The following POU6F2 variants were observed in gnomAD, a reference collection of about 807,000 sequenced individuals.
The protein encoded by POU6F2 is POU domain, class 6, transcription factor 2.
Under a neutral mutation model 71.3 loss-of-function variants are expected in POU6F2, and 31 were observed. That is an observed-to-expected ratio of 0.43 (90% confidence interval 0.33 to 0.59). The LOEUF (loss-of-function observed/expected upper bound fraction) is 0.59. Ranked by LOEUF, POU6F2 falls within the 20% of genes least tolerant of loss-of-function variation. The pLI is 0.04. For missense variants in POU6F2, 783 were observed against 856.8 expected (o/e 0.91, Z 1.07); for synonymous variants, 347 against 355.7 (o/e 0.98, Z 0.27).
chr7:39,459,788 CA>C (rs150800176), intron 8 of POU6F2, among the ~76,000 whole-genome samples: 1,568 of 152,040 alleles, frequency 0.01, 17 homozygotes, highest in African/African-American at 0.035. Flanking sequence ...GATCAGTAGC[CA>C]GGGGGGGAAA....
intron 6 of POU6F2, among the ~76,000 whole-genome samples, chr7:39,416,924 C>A (rs768221954): frequency 3.3e-5 from 5 of 151,956 alleles, no homozygotes; most frequent in Non-Finnish European, 7.4e-5. Context: ...TAAGACCATA[C>A]AATGGGCTGT....
chr7:39,015,830 G>GATATATAATATATTATATATAGAT (rs1335426853), intron 1 of POU6F2, among the ~76,000 whole-genome samples: 20 of 64,546 alleles, frequency 3.1e-4, no homozygotes, highest in African/African-American at 1.1e-3. Context: ...ATTATATATA[G>GATATATAATATATTATATATAGAT]ATATATAATA....
intron 2 of POU6F2, among the ~76,000 whole-genome samples, chr7:39,106,741 TA>T: frequency 6.6e-6 from 1 of 152,350 alleles, no homozygotes; most frequent in East Asian, 1.9e-4. Flanking sequence ...GTTCACATTT[TA>T]AGGCCCTTCA....
intron 2 of POU6F2, among the ~76,000 whole-genome samples, chr7:39,103,767 T>C (rs560073992): frequency 1.3e-5 from 2 of 152,242 alleles, no homozygotes; most frequent in African/African-American, 4.8e-5. Context: ...CAAACCCCTG[T>C]ACTGGCGAAC....
At chr7:39,051,688 T>A (rs12540036) in intron 1 of POU6F2, among the ~76,000 whole-genome samples, 35,808 of 151,930 alleles carry the variant, frequency 0.24, 4,284 homozygotes, top group South Asian at 0.35. Context: ...TTGATTGCCA[T>A]CCTCTCCTGA....
intron 1 of POU6F2, among the ~76,000 whole-genome samples, chr7:39,030,568 G>A (rs1384533126): frequency 9.7e-6 from 1 of 103,498 alleles, no homozygotes; most frequent in Non-Finnish European, 1.9e-5. Flanking sequence ...ATATTCCATT[G>A]CCCGGATGTG....
chr7:39,380,069 T>C (rs898269275), intron 5 of POU6F2, among the ~76,000 whole-genome samples: 2 of 152,232 alleles, frequency 1.3e-5, no homozygotes, highest in South Asian at 4.1e-4. Flanking sequence ...TGAAGAAATA[T>C]AGATAACTCA....
chr7:38,993,633 C>G (rs1205092285), intron 1 of POU6F2, among the ~76,000 whole-genome samples: 1 of 151,910 alleles, frequency 6.6e-6, no homozygotes, highest in African/African-American at 2.4e-5. Flanking sequence ...CACACACACA[C>G]ACACACACAC....
intron 5 of POU6F2, among the ~76,000 whole-genome samples, chr7:39,404,121 A>G (rs1326452584): frequency 6.6e-6 from 1 of 152,244 alleles, no homozygotes; most frequent in Non-Finnish European, 1.5e-5. Context: ...GAGGAAATAA[A>G]CATTAAAAAT....
At chr7:39,400,236 G>T (rs990999823) in intron 5 of POU6F2, among the ~76,000 whole-genome samples, 2 of 152,176 alleles carry the variant, frequency 1.3e-5, no homozygotes, top group South Asian at 2.1e-4. Context: ...AATAACAAAA[G>T]ATGTTTTTCC....
At chr7:39,161,523 T>G (rs979856293) in intron 2 of POU6F2, among the ~76,000 whole-genome samples, 2 of 152,164 alleles carry the variant, frequency 1.3e-5, no homozygotes, top group African/African-American at 4.8e-5. Context: ...CAGGCTGGTA[T>G]CTTTGTTTTA....
At chr7:38,993,984 C>T (rs895166696) in intron 1 of POU6F2, among the ~76,000 whole-genome samples, 1 of 152,048 alleles carries the variant, frequency 6.6e-6, no homozygotes, top group African/African-American at 2.4e-5. Flanking sequence ...TTGAACAAAC[C>T]TTTTGTCCAC....
At chr7:39,419,256 T>G (rs930056482) in intron 6 of POU6F2, among the ~76,000 whole-genome samples, 1 of 151,656 alleles carries the variant, frequency 6.6e-6, no homozygotes, top group Admixed American at 6.6e-5. Context: ...GCTTGTTTTT[T>G]GGGACTGAAT....
chr7:39,078,728 C>T (rs1311322840), intron 1 of POU6F2, among the ~76,000 whole-genome samples: 4 of 152,164 alleles, frequency 2.6e-5, no homozygotes, highest in Non-Finnish European at 4.4e-5. Context: ...AAAGCAAAAT[C>T]CAGGCTGCCC....
intron 2 of POU6F2, among the ~76,000 whole-genome samples, chr7:39,153,201 A>AT (rs1231031104): frequency 6.6e-6 from 1 of 152,034 alleles, no homozygotes; most frequent in Non-Finnish European, 1.5e-5. Flanking sequence ...ATATATATAT[A>AT]TATTATTATG....
chr7:39,168,424 C>T (rs1793155624), intron 2 of POU6F2, among the ~76,000 whole-genome samples: 1 of 152,166 alleles, frequency 6.6e-6, no homozygotes, highest in Non-Finnish European at 1.5e-5. Context: ...ATTCTTTCTA[C>T]TAATGTAACA....
intron 1 of POU6F2, chr7:39,006,825 A>G (rs1197126497): frequency 2.5e-5 from 41 of 1,613,040 alleles, no homozygotes; most frequent in Non-Finnish European, 3.4e-5. Context: ...GAATGTTCTT[A>G]TAATGATCCA....
At chr7:39,360,502 G>A (rs1786356453) in intron 5 of POU6F2, among the ~76,000 whole-genome samples, 1 of 152,148 alleles carries the variant, frequency 6.6e-6, no homozygotes, top group Non-Finnish European at 1.5e-5. Flanking sequence ...AACATTCTGA[G>A]GCTTTCTACC....
chr7:39,237,721 G>A (rs949753455), intron 4 of POU6F2, among the ~76,000 whole-genome samples: 12 of 152,044 alleles, frequency 7.9e-5, no homozygotes, highest in Non-Finnish European at 1.8e-4. Flanking sequence ...CTGTAAATAC[G>A]ACTCAGCTAG....
Sources: gnomAD v4.1 joint callset for allele counts (sites outside exome capture counted in the v4.1 genomes callset) on GRCh38, gnomAD v4.1.1 for gene constraint, MANE v1.5 for transcripts, NCBI Gene and HGNC (gene_info 2026-07-23, HGNC 2026-07-21) for gene names.